Variants in CCDC3 observed in about 807,000 individuals in gnomAD.
CCDC3 encodes coiled-coil domain-containing protein 3.
CCDC3 carries 24 observed loss-of-function variants against 21.4 expected under a neutral mutation model. The observed-to-expected ratio is 1.12, with a 90% CI of 0.81 to 1.58. The LOEUF is 1.58. Among genes scored for constraint, CCDC3 ranks in the 40% most tolerant of loss-of-function variants. CCDC3 has a pLI of 0.00. For missense variants in CCDC3, 425 were observed against 360.9 expected (o/e 1.18, Z -1.44); for synonymous variants, 186 against 166.0 (o/e 1.12, Z -0.93).
At position 13,087,805 on chromosome 10, in the gene CCDC3, G is replaced by C. The variant is rs189277094; in HGVS notation, c.-503+10720C>G. On this transcript the variant is annotated intron_variant, in intron 3 of 6. Transcript: ENST00000378839. ...CGCTTTCCTATGTACTCTGCAATGG[G>C]CTGGAATGCTTTTCTACAGCCTGAA... Among the ~76,000 whole-genome samples, 337 of 152,278 alleles carry C rather than the reference G, an allele frequency of 2.2e-3. 7 individuals are homozygous for C. Among genetic ancestry groups the C allele is most frequent in the Admixed American group, 0.017 (264 of 15,296 alleles).
At chr10:12,987,240 C>T (rs1258042454) in intron 2 of CCDC3, among the ~76,000 whole-genome samples, 3 of 152,182 alleles carry the variant, frequency 2.0e-5, no homozygotes, top group Non-Finnish European at 4.4e-5. Context: ...AATTGTATCT[C>T]ATCACTTGAC....
intron 2 of CCDC3, among the ~76,000 whole-genome samples, chr10:12,941,275 G>T (rs780462994): frequency 2.6e-5 from 4 of 152,198 alleles, no homozygotes; most frequent in Non-Finnish European, 5.9e-5. Flanking sequence ...CTAAAAAGGG[G>T]AGGCATAAGT....
At chr10:12,954,310 CAAAGTG>C in intron 2 of CCDC3, among the ~76,000 whole-genome samples, 1 of 152,140 alleles carries the variant, frequency 6.6e-6, no homozygotes, top group Admixed American at 6.5e-5. Context: ...TGAATTGAAA[CAAAGTG>C]TTCATAAAAG....
At chr10:12,947,898 T>C (rs369446014) in intron 2 of CCDC3, among the ~76,000 whole-genome samples, 7 of 152,292 alleles carry the variant, frequency 4.6e-5, no homozygotes, top group East Asian at 3.9e-4. Context: ...CCTCAGCTCA[T>C]AGATGGGAGA....
chr10:13,056,466 C>T (rs570915839), intron 4 of CCDC3, among the ~76,000 whole-genome samples: 6 of 152,218 alleles, frequency 3.9e-5, no homozygotes, highest in Non-Finnish European at 8.8e-5. Context: ...TCGTCCGGAA[C>T]CACATACATT....
intron 2 of CCDC3, among the ~76,000 whole-genome samples, chr10:12,920,709 T>C (rs564187432): frequency 4.1e-4 from 63 of 152,324 alleles, no homozygotes; most frequent in Non-Finnish European, 7.6e-4. Flanking sequence ...ATTCTGACAT[T>C]CCACCCATAT....
chr10:13,072,810 A>G (rs934193034), intron 4 of CCDC3, among the ~76,000 whole-genome samples: 1 of 151,764 alleles, frequency 6.6e-6, no homozygotes, highest in Non-Finnish European at 1.5e-5. Context: ...TTCTGCAACA[A>G]TGATGCCTTA....
In CCDC3 at chr10:12,993,939, T is replaced by G. The variant is rs573527364; in HGVS notation, c.549+4399A>C. ...TTGCAAAAGTTTCCCTCCGTAAGAT[T>G]TCCCCCTCTTCCATCTCCTACCCTC... is the stretch of plus-strand genomic sequence containing the variant. On this transcript the variant is annotated intron_variant, in intron 2 of 2. Transcript: ENST00000378825. Among the ~76,000 whole-genome samples the G allele has an allele frequency of 5.5e-4, 84 of 152,254 alleles. 3 individuals carry two copies. The South Asian group carries it at 9.5e-3, about 17-fold the overall frequency.
At chr10:13,078,877 G>T (rs1045727196) in intron 3 of CCDC3, among the ~76,000 whole-genome samples, 1 of 151,972 alleles carries the variant, frequency 6.6e-6, no homozygotes, top group Non-Finnish European at 1.5e-5. Flanking sequence ...GGGGGAGGTG[G>T]GGAGGGATAG....
chr10:12,980,935 T>C (rs772017920), intron 2 of CCDC3, among the ~76,000 whole-genome samples: 39 of 152,206 alleles, frequency 2.6e-4, no homozygotes, highest in African/African-American at 4.1e-4. Context: ...CTCTGGCACA[T>C]TGCCATAATC....
In CCDC3 at chr10:12,991,269, C is replaced by T. The variant is rs191573760; in HGVS notation, c.549+7069G>A. ...ATAAACACTGTTCATTTTTTCCCTCCGTGCTATATATTCCACCAAAGCTTG... is the reference window on the plus strand; with the variant it reads ...ATAAACACTGTTCATTTTTTCCCTCTGTGCTATATATTCCACCAAAGCTTG... On this transcript the variant is annotated intron_variant, in intron 2 of 2. Transcript: ENST00000378825. Among the ~76,000 whole-genome samples the T allele has an allele frequency of 2.3e-4, 35 of 152,222 alleles. 1 individual carries two copies. Among genetic ancestry groups the T allele is most frequent in the Middle Eastern group, 6.8e-3 (2 of 294 alleles).
In CCDC3 at chr10:13,050,523, C is replaced by T. The variant is rs1230376410; in HGVS notation, c.-269-582G>A. 2.7e-5 allele frequency among the ~76,000 whole-genome samples: 4 copies of T among 145,636 alleles called. No individual in the cohort carries two copies. The South Asian group carries it at 6.4e-4, about 23-fold the overall frequency. On this transcript the variant is annotated intron_variant, in intron 4 of 6. Transcript: ENST00000378839. ...TAACCCAGGCTGGAATACAGTGGCA[C>T]GATCTCAGCTCACTGCAACCTCCGC...
chr10:13,016,350 A>C (rs1318550280), intron 5 of CCDC3, among the ~76,000 whole-genome samples: 3 of 151,818 alleles, frequency 2.0e-5, no homozygotes, highest in African/African-American at 4.8e-5. Context: ...AAAAAAAAAA[A>C]AACACAACTT....
intron 2 of CCDC3, among the ~76,000 whole-genome samples, chr10:12,976,700 T>C (rs1037167121): frequency 1.3e-5 from 2 of 152,082 alleles, no homozygotes; most frequent in African/African-American, 2.4e-5. Flanking sequence ...CCAGTAAGAC[T>C]TGGGGAGAGG....
At chr10:13,033,546 G>A (rs1456980516) in intron 5 of CCDC3, among the ~76,000 whole-genome samples, 1 of 152,122 alleles carries the variant, frequency 6.6e-6, no homozygotes, top group African/African-American at 2.4e-5. Context: ...CCATCAGAGT[G>A]AACAGGCAAC....
rs535336587 is a variant in CCDC3, at chr10:13,001,220, G to A, written c.351C>T (p.Asp117=). 22 of 1,565,246 alleles carry A rather than the reference G, an allele frequency of 1.4e-5. No individual in the cohort carries two copies. Among genetic ancestry groups the A allele is most frequent in the Non-Finnish European group, 1.9e-5 (22 of 1,155,290 alleles). ...FSCHSHTVVQ[D]YSYFFFLRMD... is the part of the protein sequence containing the mutation. ...ACCTGAGGAAGAAGAAATAGGAGTAGTCCTGGACCACGGTGTGGGAGTGGC... is the reference window on the plus strand; with the variant it reads ...ACCTGAGGAAGAAGAAATAGGAGTAATCCTGGACCACGGTGTGGGAGTGGC... Residue 117 remains aspartate, a synonymous_variant, in exon 1 of 3, where the codon GAC becomes GAT. Coordinates refer to ENST00000378825, the MANE Select transcript of CCDC3 (RefSeq NM_031455.4).
intron 2 of CCDC3, among the ~76,000 whole-genome samples, chr10:12,938,903 T>C (rs1834778821): frequency 1.3e-5 from 2 of 152,224 alleles, no homozygotes; most frequent in South Asian, 2.1e-4. Context: ...CTCACCTGCG[T>C]TCTGGTCCAT....
intron 2 of CCDC3, among the ~76,000 whole-genome samples, chr10:12,934,557 A>C (rs956323859): frequency 6.6e-6 from 1 of 152,224 alleles, no homozygotes; most frequent in Non-Finnish European, 1.5e-5. Flanking sequence ...TGATGTCTCC[A>C]ACTATGATAG....
chr10:12,933,463 T>TA (rs1834683526), intron 2 of CCDC3, among the ~76,000 whole-genome samples: 1 of 151,278 alleles, frequency 6.6e-6, no homozygotes, highest in Non-Finnish European at 1.5e-5. Flanking sequence ...CCTTTATTTT[T>TA]TTTTTTTTTG....
Sources: allele counts gnomAD v4.1 joint callset (sites outside exome capture counted in the v4.1 genomes callset), GRCh38; gene constraint gnomAD v4.1.1; transcripts MANE v1.5; gene names NCBI Gene and HGNC (gene_info 2026-07-23, HGNC 2026-07-21).